FBXO11: variants seen among roughly 807,000 people sequenced by gnomAD.
The protein encoded by FBXO11 is F-box only protein 11.
FBXO11 carries 13 observed loss-of-function variants against 117.0 expected under a neutral mutation model. That is an observed-to-expected ratio of 0.11 (90% CI 0.07 to 0.18). The LOEUF (loss-of-function observed/expected upper bound fraction) is 0.18. Ranked by LOEUF, FBXO11 falls within the 10% of genes least tolerant of loss-of-function variation. FBXO11 has a pLI of 1.00. For missense variants in FBXO11, 767 were observed against 1,164.4 expected (o/e 0.66, Z 4.97); for synonymous variants, 490 against 380.5 (o/e 1.29, Z -3.35).
At chr2:47,849,378 T>G (rs1673670159) in intron 1 of FBXO11, among the ~76,000 whole-genome samples, 1 of 152,244 alleles carries the variant, frequency 6.6e-6, no homozygotes, top group Non-Finnish European at 1.5e-5. Context: ...TCCATTAATG[T>G]ATTCAGTTAT....
intron 7 of FBXO11, 67 bp downstream of exon 7, chr2:47,834,512 T>C: frequency 4.8e-6 from 6 of 1,261,556 alleles, no homozygotes; most frequent in Non-Finnish European, 5.4e-6. Context: ...GTCACTAGCA[T>C]TTTTAAAATC....
chr2:47,837,765 C>T lies in FBXO11; in HGVS notation c.587+1094G>A, dbSNP rs564427097. Among the ~76,000 whole-genome samples, 16 of 152,246 alleles carry T rather than the reference C, an allele frequency of 1.1e-4. 1 individual carries two copies. The highest frequency in any genetic ancestry group is 3.9e-4 in the African/African-American group (16 of 41,554). On this transcript the variant is annotated intron_variant, in intron 4 of 22. Transcript: ENST00000403359. ...TTTCTTTAAAAAACAGGGTCTCCGTCTGCCGCCCAGGCTGCAGTGCAGTGG... is the reference window on the plus strand; with the variant it reads ...TTTCTTTAAAAAACAGGGTCTCCGTTTGCCGCCCAGGCTGCAGTGCAGTGG...
At chr2:47,867,950 G>C (rs376775834) in intron 1 of FBXO11, among the ~76,000 whole-genome samples, 16 of 152,160 alleles carry the variant, frequency 1.1e-4, no homozygotes, top group African/African-American at 3.9e-4. Flanking sequence ...CTGAATATGG[G>C]CCAAACAGTT....
intron 1 of FBXO11, among the ~76,000 whole-genome samples, chr2:47,885,718 C>A (rs1002251211): frequency 1.3e-5 from 2 of 152,140 alleles, no homozygotes; most frequent in African/African-American, 4.8e-5. Context: ...GTGCCTAGTT[C>A]CTCTTCCCCC....
chr2:47,813,418 C>CAA (rs764637246), intron 17 of FBXO11, 41 bp from the exon 18 acceptor site: 64 of 539,300 alleles, frequency 1.2e-4, no homozygotes, highest in South Asian at 8.6e-4. Context: ...AGGTATATTT[C>CAA]TTTTTAATTT....
chr2:47,877,302 A>G (rs1265527924), intron 1 of FBXO11, among the ~76,000 whole-genome samples: 1 of 152,130 alleles, frequency 6.6e-6, no homozygotes, highest in East Asian at 1.9e-4. Context: ...GATCTTAAAC[A>G]TACACTTTAA....
chr2:47,905,271 G>C lies in FBXO11; in HGVS notation c.232+218C>G, dbSNP rs777962134. Reference sequence around the variant, plus strand: ...CGAAACCAAACAAAGCGCGGCCTGAGCGAGAGCCCAGGCGAGAAGGGAAGC... The same window carrying C: ...CGAAACCAAACAAAGCGCGGCCTGACCGAGAGCCCAGGCGAGAAGGGAAGC... On this transcript the variant is annotated intron_variant, in intron 1 of 22. Transcript: ENST00000403359. The C allele has an allele frequency of 4.3e-4, 132 of 307,490 alleles. 1 individual carries two copies. The highest frequency in any genetic ancestry group is 5.7e-4 in the Non-Finnish European group (102 of 179,328). 19.0% of individuals were successfully genotyped at this position (307,490 alleles called of 1,614,324 possible).
intron 1 of FBXO11, among the ~76,000 whole-genome samples, chr2:47,860,172 T>C (rs1442849183): frequency 6.6e-6 from 1 of 152,176 alleles, no homozygotes; most frequent in Non-Finnish European, 1.5e-5. Context: ...CTTTATTGCT[T>C]CTGTTTCTTA....
At chr2:47,834,510 C>T in intron 7 of FBXO11, 69 bp downstream of exon 7, 1 of 1,215,766 alleles carries the variant, frequency 8.2e-7, no homozygotes, top group Non-Finnish European at 1.1e-6. Context: ...AAGTCACTAG[C>T]ATTTTTAAAA....
intron 4 of FBXO11, among the ~76,000 whole-genome samples, chr2:47,837,772 C>G (rs1411466118): frequency 6.6e-6 from 1 of 152,108 alleles, no homozygotes; most frequent in Non-Finnish European, 1.5e-5. Context: ...CGTCTGCCGC[C>G]CAGGCTGCAG....
intron 1 of FBXO11, among the ~76,000 whole-genome samples, chr2:47,877,499 A>C (rs1434238163): frequency 6.6e-6 from 1 of 152,092 alleles, no homozygotes; most frequent in Non-Finnish European, 1.5e-5. Flanking sequence ...CCTCTGATGA[A>C]GGTGTTGACT....
At chr2:47,844,694 C>T (rs1443093649) in intron 1 of FBXO11, among the ~76,000 whole-genome samples, 1 of 152,114 alleles carries the variant, frequency 6.6e-6, no homozygotes, top group Admixed American at 6.6e-5. Context: ...ACTCTGTCAC[C>T]CGGCTGGAGT....
chr2:47,826,009 T>C (rs2104758887), intron 11 of FBXO11, among the ~76,000 whole-genome samples: 1 of 152,274 alleles, frequency 6.6e-6, no homozygotes, highest in Middle Eastern at 3.4e-3. Flanking sequence ...TCTTTTTGTT[T>C]TCTTTAGGTT....
At chr2:47,808,864 CTTTGT>C (rs754935413) in intron 21 of FBXO11, 3 of 286,596 alleles carry the variant, frequency 1.0e-5, no homozygotes, top group African/African-American at 4.4e-5. Context: ...TAGTTATGGT[CTTTGT>C]TTTGTTTTGT....
rs1194733121 is a variant in FBXO11 at position 47,900,899 on chromosome 2, C to CACGTATATAT, written c.232+4589_232+4590insATATATACGT. Among the ~76,000 whole-genome samples the CACGTATATAT allele has an allele frequency of 2.8e-5, 4 of 141,344 alleles. 1 individual carries two copies. The highest frequency in any genetic ancestry group is 7.9e-5 in the African/African-American group (3 of 37,800). The allele number at this position is 141,344 out of a possible 152,430, so 92.7% of individuals were successfully genotyped here. The stretch of plus-strand genomic sequence containing the variant: ...GTGTATATATATACACGTATATATA[C>CACGTATATAT]ACACATATATATGTATATATATACA... On this transcript the variant is annotated intron_variant, in intron 1 of 22. Coordinates refer to ENST00000403359, the MANE Select transcript of FBXO11 (RefSeq NM_001190274.2).
At chr2:47,812,550 C>T (rs1670696421) in intron 18 of FBXO11, among the ~76,000 whole-genome samples, 1 of 152,200 alleles carries the variant, frequency 6.6e-6, no homozygotes, top group Non-Finnish European at 1.5e-5. Context: ...GAGAGTCTGT[C>T]AATGGAATCA....
intron 1 of FBXO11, among the ~76,000 whole-genome samples, chr2:47,869,660 G>C (rs1245603879): frequency 6.6e-6 from 1 of 152,196 alleles, no homozygotes; most frequent in African/African-American, 2.4e-5. Flanking sequence ...ATGGGTAGTG[G>C]TAGTTATAAA....
chr2:47,844,231 T>C (rs1266036113), intron 1 of FBXO11, among the ~76,000 whole-genome samples: 1 of 152,216 alleles, frequency 6.6e-6, no homozygotes, highest in Non-Finnish European at 1.5e-5. Flanking sequence ...ATTGCTTCAT[T>C]TCCTTCTTTT....
chr2:47,860,289 G>A (rs1470746134), intron 1 of FBXO11, among the ~76,000 whole-genome samples: 2 of 152,012 alleles, frequency 1.3e-5, no homozygotes, highest in African/African-American at 2.4e-5. Context: ...CAGAACCAAA[G>A]AATCTCCAAC....
Sources: gnomAD v4.1 joint callset for allele counts (sites outside exome capture counted in the v4.1 genomes callset) on GRCh38, gnomAD v4.1.1 for gene constraint, MANE v1.5 for transcripts, NCBI Gene and HGNC (gene_info 2026-07-23, HGNC 2026-07-21) for gene names.